The following LHX4 variants were observed in gnomAD, a reference collection of about 807,000 sequenced individuals.
LHX4 encodes the protein LIM/homeobox protein Lhx4.
Under a neutral mutation model 39.2 loss-of-function variants are expected in LHX4, and 16 were observed. That is an observed-to-expected ratio of 0.41 (90% CI 0.28 to 0.62). LHX4 has a LOEUF of 0.62. Ranked by LOEUF, LHX4 falls within the 20% of genes least tolerant of loss-of-function variation. LHX4 has a pLI of 0.33. For synonymous variants in LHX4, 206 were observed against 198.1 expected (o/e 1.04, Z -0.33); for missense variants, 439 against 511.9 (o/e 0.86, Z 1.37).
intron 1 of LHX4, among the ~76,000 whole-genome samples, chr1:180,237,005 C>A (rs554263068): frequency 6.6e-6 from 1 of 152,162 alleles, no homozygotes; most frequent in African/African-American, 2.4e-5. Context: ...GTTAACAATG[C>A]CCATAACAGA....
At chr1:180,252,634 T>C (rs1184779024) in intron 2 of LHX4, among the ~76,000 whole-genome samples, 1 of 152,110 alleles carries the variant, frequency 6.6e-6, no homozygotes, top group Non-Finnish European at 1.5e-5. Context: ...TTTGCACAAC[T>C]CCAGGGGGCA....
At chr1:180,255,904 C>G (rs1647835156) in intron 2 of LHX4, among the ~76,000 whole-genome samples, 1 of 152,246 alleles carries the variant, frequency 6.6e-6, no homozygotes, top group Non-Finnish European at 1.5e-5. Flanking sequence ...TCAGATGCAT[C>G]TGGGCTGTGG....
At chr1:180,244,106 A>G (rs1647291507) in intron 1 of LHX4, among the ~76,000 whole-genome samples, 1 of 152,176 alleles carries the variant, frequency 6.6e-6, no homozygotes, top group Non-Finnish European at 1.5e-5. Flanking sequence ...AGAGTGGCTC[A>G]CTGACGTAAT....
intron 2 of LHX4, among the ~76,000 whole-genome samples, chr1:180,255,743 A>C (rs948662482): frequency 6.6e-6 from 1 of 152,196 alleles, no homozygotes; most frequent in Non-Finnish European, 1.5e-5. Context: ...CCCGCCCCAG[A>C]GCGTGCAGTT....
Position 180,236,877 on chromosome 1 carries a change from G to T in LHX4, c.76+6272G>T, listed in dbSNP as rs1341991189. Among the ~76,000 whole-genome samples, 3 of 149,900 alleles carry T rather than the reference G, an allele frequency of 2.0e-5. No individual in the cohort carries two copies. The East Asian group carries it at 5.8e-4, about 29-fold the overall frequency. ...CAGACTGAAGCAGCAGTTTGCTGTG[G>T]CAGCACCAAATACATGGCTGCATAG... On this transcript the variant is annotated intron_variant, in intron 1 of 5. Transcript: ENST00000263726.
At chr1:180,228,782 C>A (rs1664084777), upstream of LHX4, among the ~76,000 whole-genome samples, 1 of 152,344 alleles carries the variant, frequency 6.6e-6, no homozygotes, top group South Asian at 2.1e-4. Context: ...ATGCTCCTCC[C>A]TTAAAGGTGA....
intron 2 of LHX4, among the ~76,000 whole-genome samples, chr1:180,263,154 A>T (rs967948534): frequency 6.6e-6 from 1 of 150,918 alleles, no homozygotes; most frequent in African/African-American, 2.4e-5. Context: ...TTCCCTCTTT[A>T]CCCCAGCGTC....
intron 1 of LHX4, among the ~76,000 whole-genome samples, chr1:180,247,134 C>T (rs1463710659): frequency 6.6e-6 from 1 of 152,154 alleles, no homozygotes; most frequent in African/African-American, 2.4e-5. Flanking sequence ...GTTCATCCAA[C>T]CACGGAAACC....
At chr1:180,247,380 C>T (rs886846558) in intron 1 of LHX4, among the ~76,000 whole-genome samples, 3 of 152,162 alleles carry the variant, frequency 2.0e-5, no homozygotes, top group Admixed American at 6.5e-5. Context: ...TCAGTGGAGC[C>T]AGCTGGTTGG....
In LHX4 at chr1:180,274,120, G is replaced by T. The variant is rs184733396; in HGVS notation, c.779-65G>T. ...TCCTGGTCATGTGTGTTCCTAGGTT[G>T]TGAAGAGCAGGGGACCATCAGAGTC... On this transcript the variant is annotated intron_variant, in intron 5 of 5. Coordinates refer to ENST00000263726, the MANE Select transcript of LHX4 (RefSeq NM_033343.4). 81 of 1,596,162 alleles carry T rather than the reference G, an allele frequency of 5.1e-5. 1 individual carries two copies. In the Admixed American group the frequency reaches 5.2e-4, roughly 10 times the overall value.
chr1:180,266,667 T>C lies in LHX4; in HGVS notation c.451+73T>C. The C allele has an allele frequency of 1.0e-5, 15 of 1,446,396 alleles. No homozygotes were observed. Among genetic ancestry groups the C allele is most frequent in the Non-Finnish European group, 1.4e-5 (15 of 1,048,486 alleles). The allele number at this position is 1,446,396 out of a possible 1,614,324, so 89.6% of individuals were successfully genotyped here. A position where few individuals can be genotyped will look rare whatever the true frequency, so the allele number is the denominator to read the frequency against. ...GCCACGCCCTCTGCCTGAGGTGCCCTTCTCATGGCGTCCCACCTGCCCATC... is the reference window on the plus strand; with the variant it reads ...GCCACGCCCTCTGCCTGAGGTGCCCCTCTCATGGCGTCCCACCTGCCCATC... On this transcript the variant is annotated intron_variant, in intron 3 of 5. Transcript: ENST00000263726. The surrounding 1 kb of genome is among the most constrained non-coding windows in gnomAD (Gnocchi z 5.7).
chr1:180,271,597 T>TA, intron 4 of LHX4, 63 bp downstream of exon 4: 3 of 1,592,286 alleles, frequency 1.9e-6, no homozygotes, highest in Non-Finnish European at 1.7e-6. Context: ...GTGGAAGGTA[T>TA]CCTGAGTGAC....
intron 3 of LHX4, among the ~76,000 whole-genome samples, chr1:180,267,714 G>GA (rs1320947098): frequency 3.3e-5 from 5 of 151,958 alleles, no homozygotes; most frequent in Admixed American, 2.0e-4. Flanking sequence ...GGCTTGATGA[G>GA]AAAAAAAATT....
intron 1 of LHX4, among the ~76,000 whole-genome samples, chr1:180,237,214 CGG>C (rs11305552): frequency 1.6e-5 from 2 of 127,822 alleles, no homozygotes; most frequent in African/African-American, 5.4e-5. Flanking sequence ...TTTTACTCGG[CGG>C]GGGGGGCGGG....
At position 180,236,633 on chromosome 1, in the gene LHX4, G is replaced by C. The variant is rs1469200111; in HGVS notation, c.76+6028G>C. 2.6e-5 allele frequency among the ~76,000 whole-genome samples: 4 copies of C among 152,192 alleles called. 1 individual carries two copies. Among genetic ancestry groups the C allele is most frequent in the Non-Finnish European group, 5.9e-5 (4 of 68,044 alleles). On this transcript the variant is annotated intron_variant, in intron 1 of 5. Transcript: ENST00000263726. ...TGGTGGGTATTTAGTGGATTTCTCT[G>C]GCTGGGAAACTTGTGTCCTCTTCCT...
In LHX4 at chr1:180,232,875, G is replaced by A. The variant is rs940634431; in HGVS notation, c.76+2270G>A. On this transcript the variant is annotated intron_variant, in intron 1 of 5. Transcript: ENST00000263726. This position sits in a 1 kb window ranked among gnomAD's most constrained non-coding sequence, Gnocchi z 5.4. ...GTGGGGCACACCCTTGGGCCTTCCG[G>A]GACAGTAGGCTCTTAAACCCTAGAG... Among the ~76,000 whole-genome samples, 1 of 152,168 alleles carries A rather than the reference G, an allele frequency of 6.6e-6. No homozygotes were observed. Among genetic ancestry groups the A allele is most frequent in the African/African-American group, 2.4e-5 (1 of 41,440 alleles).
rs183566896 is a variant in LHX4, at chr1:180,241,709, C to G, written c.77-6576C>G. 7.6e-3 allele frequency among the ~76,000 whole-genome samples: 1,157 copies of G among 152,274 alleles called. 4 individuals carry two copies. The highest frequency in any genetic ancestry group is 9.8e-3 in the Non-Finnish European group (665 of 68,020). ...TGGGATTTATTGGCATTTGGAAGAC[C>G]TAAAGATTTGCAGATCTAAACTCTG... On this transcript the variant is annotated intron_variant, in intron 1 of 5. Transcript: ENST00000263726.
chr1:180,251,021 C>T (rs1015460333), intron 2 of LHX4, among the ~76,000 whole-genome samples: 3 of 152,280 alleles, frequency 2.0e-5, no homozygotes, highest in East Asian at 1.9e-4. Flanking sequence ...TCAGCAGAAA[C>T]CTTCTGGCTA....
intron 5 of LHX4, chr1:180,273,579 G>C (rs1454569075): frequency 6.6e-6 from 1 of 152,412 alleles, no homozygotes; most frequent in Non-Finnish European, 1.5e-5. Context: ...AATTCTTTAA[G>C]AAAAAAGAAG....
Sources: allele counts gnomAD v4.1 joint callset (sites outside exome capture counted in the v4.1 genomes callset), GRCh38; gene constraint gnomAD v4.1.1; non-coding constraint Gnocchi (gnomAD v3.1); transcripts MANE v1.5; gene names NCBI Gene and HGNC (gene_info 2026-07-23, HGNC 2026-07-21).